Variants in LHFPL2 observed in about 807,000 individuals in gnomAD.
The protein encoded by LHFPL2 is LHFPL tetraspan subfamily member 2.
A neutral mutation model predicts 17.5 loss-of-function variants in LHFPL2; 7 were observed. That is an observed-to-expected ratio of 0.40 (90% CI 0.23 to 0.75). The LOEUF is 0.75. LHFPL2 is among the 30% of genes least tolerant of loss of function. The pLI is 0.37. For missense variants in LHFPL2, 241 were observed against 294.8 expected (o/e 0.82, Z 1.34); for synonymous variants, 134 against 116.2 (o/e 1.15, Z -0.99).
intron 3 of LHFPL2, among the ~76,000 whole-genome samples, chr5:78,545,268 C>G (rs1413822958): frequency 2.6e-5 from 4 of 152,184 alleles, no homozygotes; most frequent in Non-Finnish European, 5.9e-5. Flanking sequence ...CATTCCCCAT[C>G]AGGAGGCAAC....
rs1292370216 is a variant in LHFPL2 at position 78,619,747 on chromosome 5, C to T, written c.-245+12517G>A. On this transcript the variant is annotated intron_variant, in intron 2 of 4. Coordinates refer to ENST00000380345, the MANE Select transcript of LHFPL2 (RefSeq NM_005779.3). ...TTCAATTCCCACCTATGAGTGAGAA[C>T]ATGCGGTGTTTGGTTTTTTGTCCTT... is the stretch of plus-strand genomic sequence containing the variant. 2.7e-3 allele frequency among the ~76,000 whole-genome samples: 375 copies of T among 136,666 alleles called. 2 individuals are homozygous for T. The highest frequency in any genetic ancestry group is 9.1e-3 in the African/African-American group (337 of 36,956). The allele number at this position is 136,666 out of a possible 152,430, so 89.7% of individuals were successfully genotyped here.
At chr5:78,624,058 G>A (rs1028309393) in intron 2 of LHFPL2, among the ~76,000 whole-genome samples, 21 of 152,328 alleles carry the variant, frequency 1.4e-4, no homozygotes, top group Middle Eastern at 3.4e-3. Flanking sequence ...AGCTCTAATA[G>A]CCTAGACAAC....
At chr5:78,633,409 A>G (rs1745322191) in intron 1 of LHFPL2, among the ~76,000 whole-genome samples, 1 of 152,218 alleles carries the variant, frequency 6.6e-6, no homozygotes, top group Non-Finnish European at 1.5e-5. Context: ...GGCACCGTGT[A>G]GTGCAGCAGC....
intron 3 of LHFPL2, among the ~76,000 whole-genome samples, chr5:78,547,761 G>A (rs1756324240): frequency 6.6e-6 from 1 of 152,208 alleles, no homozygotes; most frequent in Non-Finnish European, 1.5e-5. Context: ...TAGGAAGCAG[G>A]CCCCGCCTCC....
At chr5:78,613,324 C>A (rs891106731) in intron 2 of LHFPL2, among the ~76,000 whole-genome samples, 1 of 152,096 alleles carries the variant, frequency 6.6e-6, no homozygotes, top group Non-Finnish European at 1.5e-5. Flanking sequence ...TCCCACATAC[C>A]TTAGAGGCAA....
intron 3 of LHFPL2, among the ~76,000 whole-genome samples, chr5:78,541,717 C>A (rs147526196): frequency 6.6e-6 from 1 of 152,140 alleles, no homozygotes; most frequent in African/African-American, 2.4e-5. Context: ...GGGGGAAGAA[C>A]ATAAAACATA....
chr5:78,500,569 A>G (rs559859472), intron 4 of LHFPL2, among the ~76,000 whole-genome samples: 16 of 152,270 alleles, frequency 1.1e-4, no homozygotes, highest in African/African-American at 3.4e-4. Context: ...TGAAATTAGC[A>G]AAGGTATTCA....
chr5:78,593,070 G>A lies in LHFPL2; in HGVS notation c.-244-28199C>T, dbSNP rs551135027. Among the ~76,000 whole-genome samples the A allele has an allele frequency of 1.2e-4, 18 of 152,184 alleles. No homozygotes were observed. In the South Asian group the frequency reaches 1.7e-3, roughly 14 times the overall value. On this transcript the variant is annotated intron_variant, in intron 2 of 4. Transcript: ENST00000380345. ...CTCCCATGCCTGGTTTTGGCAACTC[G>A]CGCATAATCTCTGTCCCCGGTGTCT...
chr5:78,492,052 A>G (rs1208706164), intron 4 of LHFPL2, among the ~76,000 whole-genome samples: 1 of 152,204 alleles, frequency 6.6e-6, no homozygotes, highest in Non-Finnish European at 1.5e-5. Context: ...TTTGTTCCCT[A>G]TGAAGCCTCC....
At chr5:78,645,103 C>T (rs911115245) in intron 1 of LHFPL2, among the ~76,000 whole-genome samples, 1 of 152,184 alleles carries the variant, frequency 6.6e-6, no homozygotes, top group African/African-American at 2.4e-5. Context: ...CTACCACCCC[C>T]AGCCCCAGCC....
At chr5:78,562,353 C>T (rs554865488) in intron 3 of LHFPL2, among the ~76,000 whole-genome samples, 1 of 152,180 alleles carries the variant, frequency 6.6e-6, no homozygotes, top group South Asian at 2.1e-4. Context: ...GACATGAAGG[C>T]TCACCCCAGA....
At chr5:78,645,543 T>C (rs1171988860) in intron 1 of LHFPL2, among the ~76,000 whole-genome samples, 4 of 137,234 alleles carry the variant, frequency 2.9e-5, no homozygotes, top group Admixed American at 7.3e-5. Context: ...GACAGATGCA[T>C]ACACACACAC....
chr5:78,645,445 T>G (rs528928774), intron 1 of LHFPL2, among the ~76,000 whole-genome samples: 3 of 152,118 alleles, frequency 2.0e-5, no homozygotes, highest in Admixed American at 6.5e-5. Flanking sequence ...AGAAGTACTA[T>G]TGTGCTAAGA....
chr5:78,646,199 G>A (rs918754435), intron 1 of LHFPL2, among the ~76,000 whole-genome samples: 1 of 152,192 alleles, frequency 6.6e-6, no homozygotes, highest in African/African-American at 2.4e-5. Flanking sequence ...GCCCAGAAAA[G>A]GCTAATCAGA....
intron 2 of LHFPL2, among the ~76,000 whole-genome samples, chr5:78,585,696 TCATCATCAC>T (rs1454142015): frequency 6.6e-6 from 1 of 152,242 alleles, no homozygotes; most frequent in Non-Finnish European, 1.5e-5. Context: ...CTCCTCATCA[TCATCATCAC>T]CATCATCACG....
chr5:78,591,459 A>G (rs1314251141), intron 2 of LHFPL2, among the ~76,000 whole-genome samples: 1 of 152,240 alleles, frequency 6.6e-6, no homozygotes, highest in Non-Finnish European at 1.5e-5. Flanking sequence ...GTAAGACTCT[A>G]GGAGAAAAGA....
At chr5:78,577,950 G>A (rs781109953) in intron 2 of LHFPL2, among the ~76,000 whole-genome samples, 2 of 152,114 alleles carry the variant, frequency 1.3e-5, no homozygotes, top group African/African-American at 4.8e-5. Flanking sequence ...AATGAAACTC[G>A]AAAGAGATGT....
chr5:78,530,259 C>A (rs2112356558), intron 3 of LHFPL2, among the ~76,000 whole-genome samples: 1 of 152,216 alleles, frequency 6.6e-6, no homozygotes, highest in African/African-American at 2.4e-5. Context: ...AAAATTCTAA[C>A]CCATGTCTCT....
intron 2 of LHFPL2, among the ~76,000 whole-genome samples, chr5:78,610,249 A>AG (rs923436031): frequency 6.6e-6 from 1 of 152,204 alleles, no homozygotes; most frequent in African/African-American, 2.4e-5. Context: ...GCAGGAATGC[A>AG]GGGTCCTCAT....
Sources: gnomAD v4.1 joint callset for allele counts (sites outside exome capture counted in the v4.1 genomes callset) on GRCh38, gnomAD v4.1.1 for gene constraint, MANE v1.5 for transcripts, NCBI Gene and HGNC (gene_info 2026-07-23, HGNC 2026-07-21) for gene names.